Variants in EYA2 observed in about 807,000 individuals in gnomAD.
EYA2 encodes protein phosphatase EYA2.
EYA2 carries 31 observed loss-of-function variants against 69.2 expected under a neutral mutation model. The observed-to-expected ratio is 0.45, with a 90% CI of 0.34 to 0.60. The LOEUF (loss-of-function observed/expected upper bound fraction) is 0.60, where lower values mean the gene tolerates loss of function less well. Ranked by LOEUF, EYA2 falls within the 20% of genes least tolerant of loss-of-function variation. The pLI is 0.02. For missense variants in EYA2, 622 were observed against 701.2 expected, an observed-to-expected ratio of 0.89 and a Z score of 1.28; for synonymous variants, 257 against 279.4, an observed-to-expected ratio of 0.92 and a Z score of 0.80.
chr20:47,053,947 G>C (rs1026211659), intron 5 of EYA2, among the ~76,000 whole-genome samples: 2 of 152,076 alleles, frequency 1.3e-5, no homozygotes, highest in Admixed American at 6.5e-5. Flanking sequence ...TCCCAGCTCG[G>C]AACCTTACTG....
At chr20:47,104,958 C>A (rs1222864983) in intron 9 of EYA2, among the ~76,000 whole-genome samples, 1 of 152,140 alleles carries the variant, frequency 6.6e-6, no homozygotes. Context: ...GAGGTGGAGG[C>A]TGCAGTGAAC....
At chr20:46,907,481 C>T (rs1568661585) in intron 1 of EYA2, among the ~76,000 whole-genome samples, 1 of 152,198 alleles carries the variant, frequency 6.6e-6, no homozygotes, top group Non-Finnish European at 1.5e-5. Context: ...GGACTCCCCA[C>T]CCTCTTTCAA....
chr20:46,980,216 A>G (rs1980742711), intron 1 of EYA2, among the ~76,000 whole-genome samples: 1 of 152,206 alleles, frequency 6.6e-6, no homozygotes. Context: ...TACCTACTTC[A>G]TAGGATGAAA....
intron 9 of EYA2, among the ~76,000 whole-genome samples, chr20:47,142,210 C>T (rs191605054): frequency 6.6e-6 from 1 of 152,186 alleles, no homozygotes; most frequent in Admixed American, 6.5e-5. Context: ...AAGCAGCAGG[C>T]CAGGTATGGC....
chr20:46,931,640 A>G (rs563402211), intron 1 of EYA2, among the ~76,000 whole-genome samples: 2 of 152,296 alleles, frequency 1.3e-5, no homozygotes, highest in Admixed American at 6.5e-5. Context: ...AAGTTTTTAA[A>G]TCCATTTCAC....
Position 47,188,067 on chromosome 20 carries a change from C to T in EYA2, c.1551C>T (p.Phe517=). 1 of 1,575,776 alleles carries T rather than the reference C, an allele frequency of 6.3e-7. No homozygotes were observed. The highest frequency in any genetic ancestry group is 1.2e-5 in the South Asian group (1 of 85,878). Residue 517 remains phenylalanine, a synonymous_variant, in exon 16 of 16, where the codon TTC becomes TTT. Coordinates refer to ENST00000327619, the MANE Select transcript of EYA2 (RefSeq NM_005244.5). ...CTGTGTTTCAGCACAACATGCCTTT[C>T]TGGCGGATATCCTGCCACGCAGACC... ...EQGAKKHNMP[F]WRISCHADLE...
intron 1 of EYA2, among the ~76,000 whole-genome samples, chr20:46,977,720 A>G (rs1234732156): frequency 6.6e-6 from 1 of 152,192 alleles, no homozygotes; most frequent in Non-Finnish European, 1.5e-5. Context: ...AGCCTTTGCA[A>G]AGGAAACTGA....
intron 1 of EYA2, among the ~76,000 whole-genome samples, chr20:46,922,929 A>G (rs1435361615): frequency 6.6e-6 from 1 of 152,220 alleles, no homozygotes; most frequent in Non-Finnish European, 1.5e-5. Context: ...AGCATCACCC[A>G]TGCAGTATTC....
At chr20:47,171,814 G>A (rs1285080666) in intron 11 of EYA2, among the ~76,000 whole-genome samples, 1 of 152,066 alleles carries the variant, frequency 6.6e-6, no homozygotes, top group Non-Finnish European at 1.5e-5. Flanking sequence ...ATCTATGGCC[G>A]GGCACAGTGG....
At chr20:47,060,051 A>C (rs1354920622) in intron 5 of EYA2, among the ~76,000 whole-genome samples, 2 of 152,032 alleles carry the variant, frequency 1.3e-5, no homozygotes, top group African/African-American at 4.8e-5. Context: ...TGCATTTAAA[A>C]CTCAGGAGAT....
intron 9 of EYA2, among the ~76,000 whole-genome samples, chr20:47,131,918 C>A (rs894694015): frequency 1.3e-5 from 2 of 152,174 alleles, no homozygotes; most frequent in African/African-American, 4.8e-5. Flanking sequence ...ACCAGGTTTT[C>A]TATTTATGAT....
At chr20:47,009,886 T>C (rs982796502) in intron 4 of EYA2, among the ~76,000 whole-genome samples, 1 of 152,258 alleles carries the variant, frequency 6.6e-6, no homozygotes, top group African/African-American at 2.4e-5. Flanking sequence ...TTACCTACAT[T>C]GCATCTTTTA....
chr20:46,983,445 T>C (rs538546020), intron 1 of EYA2, among the ~76,000 whole-genome samples: 1 of 152,180 alleles, frequency 6.6e-6, no homozygotes, highest in Non-Finnish European at 1.5e-5. Flanking sequence ...GAAGTAATCC[T>C]TTAGGGTCCC....
intron 5 of EYA2, among the ~76,000 whole-genome samples, chr20:47,041,745 A>G (rs1034404796): frequency 2.0e-5 from 3 of 152,150 alleles, no homozygotes; most frequent in African/African-American, 7.2e-5. Context: ...AGGTGCTCAG[A>G]TTGTTCTCCC....
At chr20:47,168,611 T>C (rs3091590) in intron 10 of EYA2, among the ~76,000 whole-genome samples, 89,705 of 151,868 alleles carry the variant, frequency 0.59, 27,359 homozygotes, top group African/African-American at 0.75. Flanking sequence ...ACATAGTAAG[T>C]GCTCAGTAAA....
chr20:47,100,814 A>G (rs1388077726), intron 9 of EYA2, among the ~76,000 whole-genome samples: 1 of 152,258 alleles, frequency 6.6e-6, no homozygotes, highest in Admixed American at 6.5e-5. Flanking sequence ...GAGAGACCCA[A>G]AATAATTGTG....
intron 10 of EYA2, among the ~76,000 whole-genome samples, chr20:47,147,834 G>A (rs2033734278): frequency 6.6e-6 from 1 of 152,140 alleles, no homozygotes; most frequent in African/African-American, 2.4e-5. Flanking sequence ...CGAGGCGGGT[G>A]GATCACTTGA....
chr20:46,980,633 C>T (rs79868195), intron 1 of EYA2, among the ~76,000 whole-genome samples: 8,617 of 152,200 alleles, frequency 0.057, 578 homozygotes, highest in African/African-American at 0.16. Context: ...TTACTCTATA[C>T]TCTGGCTATT....
intron 13 of EYA2, among the ~76,000 whole-genome samples, chr20:47,180,573 A>G (rs1053511925): frequency 6.6e-6 from 1 of 152,216 alleles, no homozygotes; most frequent in African/African-American, 2.4e-5. Flanking sequence ...GGCCCTTGCA[A>G]TAAACATTTG....
Sources: gnomAD v4.1 joint callset for allele counts (sites outside exome capture counted in the v4.1 genomes callset) on GRCh38, gnomAD v4.1.1 for gene constraint, MANE v1.5 for transcripts, NCBI Gene and HGNC (gene_info 2026-07-23, HGNC 2026-07-21) for gene names.